CRYBG3: variants seen among roughly 807,000 people sequenced by gnomAD.
CRYBG3 encodes the protein crystallin beta-gamma domain containing 3.
CRYBG3 carries 127 observed loss-of-function variants against 244.2 expected under a neutral mutation model. That is an observed-to-expected ratio of 0.52 (90% confidence interval 0.45 to 0.60). The LOEUF (loss-of-function observed/expected upper bound fraction) is 0.60. Among genes scored for constraint, CRYBG3 ranks in the 20% least tolerant of loss-of-function variants. The probability of loss-of-function intolerance (pLI) is 0.00; values close to 1 mark genes in which losing one functional copy is unlikely to be tolerated. For synonymous variants in CRYBG3, 1,132 were observed against 1,195.8 expected, an observed-to-expected ratio of 0.95 and a Z score of 1.10; for missense variants, 3,325 against 3,442.5, an observed-to-expected ratio of 0.97 and a Z score of 0.85.
Position 97,895,951 on chromosome 3 carries a change from A to G in CRYBG3, c.7575-8A>G, listed in dbSNP as rs779351077. 1.9e-6 allele frequency: 3 copies of G among 1,610,608 alleles called. No individual in the cohort carries two copies. Among genetic ancestry groups the G allele is most frequent in the East Asian group, 4.5e-5 (2 of 44,834 alleles). On this transcript the variant is annotated splice_region_variant and splice_polypyrimidine_tract_variant and intron_variant, in intron 11 of 21. Transcript: ENST00000389622. ...AATGGGTCATTTGGGTGTCCCCTGTATTTCTAGGTGGGTTGCCTATGAAAA... is the reference window on the plus strand; with the variant it reads ...AATGGGTCATTTGGGTGTCCCCTGTGTTTCTAGGTGGGTTGCCTATGAAAA...
rs184198243 is a variant in CRYBG3, at chr3:97,914,599, A to G, written c.8115-1011A>G. Among the ~76,000 whole-genome samples the G allele has an allele frequency of 6.6e-5, 10 of 152,280 alleles. No homozygotes were observed. The East Asian group carries it at 1.9e-3, about 29-fold the overall frequency. ...TATATAACTTTAGGCAAAATGAGTC[A>G]TCGCTCTGAACCTCAGCTTCCTCAT... is the stretch of plus-strand genomic sequence containing the variant. On this transcript the variant is annotated intron_variant, in intron 16 of 21. Coordinates refer to ENST00000389622, the MANE Select transcript of CRYBG3 (RefSeq NM_153605.4).
Position 97,874,196 on chromosome 3 carries a change from G to A in CRYBG3, c.3002G>A (p.Gly1001Asp), listed in dbSNP as rs751843988. 32 of 1,531,488 alleles carry A rather than the reference G, an allele frequency of 2.1e-5. 1 individual carries two copies. In the Middle Eastern group the frequency reaches 5.0e-4, roughly 24 times the overall value. 94.9% of individuals were successfully genotyped at this position (1,531,488 alleles called of 1,614,324 possible). A position where few individuals can be genotyped will look rare whatever the true frequency, so the allele number is the denominator to read the frequency against. ...ATTTCCCCTAAATTCCAAGAAACTG[G>A]CAGCATGAAAGTAAATTCACCTTTT... ...TNISPKFQET[G>D]SMKVNSPFLD... The change falls in exon 4 of 22, where the codon GGC (glycine) becomes GAC (aspartate). Residue 1001 changes from glycine to aspartate, a missense_variant. Around this residue, in one of 4 missense-constraint regions of CRYBG3, gnomAD observed 1,526 missense variants for 1,443.2 expected, o/e 1.06. Coordinates refer to ENST00000389622, the MANE Select transcript of CRYBG3 (RefSeq NM_153605.4).
chr3:97,942,405 G>T lies in CRYBG3; in HGVS notation c.8786G>T (p.Ser2929Ile). Residue 2929 changes from serine (S) to isoleucine (I), a missense_variant, in exon 21 of 22, where the codon AGC becomes ATC. Around this residue, in one of 4 missense-constraint regions of CRYBG3, gnomAD observed 714 missense variants for 803.6 expected, o/e 0.89. Transcript: ENST00000389622. ...KWRLNKNGTI[S>I]SYLSDQLVLD... ...AGACTGAATAAAAATGGAACTATCA[G>T]CTCTTATCTCAGTGATCAACTTGTC... The T allele has an allele frequency of 1.9e-6, 3 of 1,611,606 alleles. No homozygotes were observed. Among genetic ancestry groups the T allele is most frequent in the Non-Finnish European group, 2.5e-6 (3 of 1,178,392 alleles).
At position 97,941,186 on chromosome 3, in the gene CRYBG3, T is replaced by C. The variant is rs1272088953; in HGVS notation, c.8544T>C (p.Gly2848=). The C allele has an allele frequency of 6.2e-7, 1 of 1,611,444 alleles. No individual in the cohort carries two copies. Among genetic ancestry groups the C allele is most frequent in the Non-Finnish European group, 8.5e-7 (1 of 1,178,402 alleles). The part of the protein sequence containing the change: ...VYIRIKNRAQ[G]EYLTVTGSLA... ...TCAGAATAAAGAACCGTGCCCAGGG[T>C]GAATATCTGACAGTCACTGGAAGTC... The change falls in exon 20 of 22, where the codon GGT becomes GGC. Residue 2848 remains glycine, a synonymous_variant. Coordinates refer to ENST00000389622, the MANE Select transcript of CRYBG3 (RefSeq NM_153605.4).
At chr3:97,835,176 C>T (rs923242088) in intron 1 of CRYBG3, among the ~76,000 whole-genome samples, 1 of 152,030 alleles carries the variant, frequency 6.6e-6, no homozygotes, top group Non-Finnish European at 1.5e-5. Flanking sequence ...ACAACTTAGT[C>T]GTGTCATCAC....
At chr3:97,924,652 C>G (rs772777474) in intron 17 of CRYBG3, among the ~76,000 whole-genome samples, 1 of 152,056 alleles carries the variant, frequency 6.6e-6, no homozygotes, top group South Asian at 2.1e-4. Flanking sequence ...TCATGACCTT[C>G]TTTCATCTTC....
intron 2 of CRYBG3, among the ~76,000 whole-genome samples, chr3:97,855,576 T>C (rs1559720177): frequency 1.3e-5 from 2 of 152,186 alleles, no homozygotes; most frequent in Non-Finnish European, 1.5e-5. Flanking sequence ...AGCTTGTATA[T>C]GTCCAGGTAT....
At chr3:97,912,506 C>G (rs1409203969) in intron 16 of CRYBG3, among the ~76,000 whole-genome samples, 1 of 152,122 alleles carries the variant, frequency 6.6e-6, no homozygotes, top group Admixed American at 6.5e-5. Context: ...TGATTTTTGT[C>G]TCTCACTGTG....
chr3:97,876,851 C>T lies in CRYBG3; in HGVS notation c.5657C>T (p.Ala1886Val), dbSNP rs1245621149. The change falls in exon 4 of 22, where the codon GCC becomes GTC. Residue 1886 changes from alanine (A) to valine (V), a missense_variant. Around this residue, in one of 4 missense-constraint regions of CRYBG3, gnomAD observed 635 missense variants for 771.7 expected, o/e 0.82. Coordinates refer to ENST00000389622, the MANE Select transcript of CRYBG3 (RefSeq NM_153605.4). ...GLELTTKQGE[A>V]MLPAFESKTP... ...GAATTGACCACTAAACAAGGGGAGG[C>T]CATGCTTCCTGCATTTGAAAGTAAA... The T allele has an allele frequency of 5.1e-6, 7 of 1,376,342 alleles. No individual in the cohort carries two copies. In the East Asian group the frequency reaches 1.1e-4, roughly 21 times the overall value. 85.3% of individuals were successfully genotyped at this position (1,376,342 alleles called of 1,614,324 possible).
At chr3:97,887,883 C>T (rs1044646364) in intron 8 of CRYBG3, among the ~76,000 whole-genome samples, 7 of 152,166 alleles carry the variant, frequency 4.6e-5, no homozygotes, top group African/African-American at 1.2e-4. Flanking sequence ...AATCCAATTG[C>T]AAATACTGTT....
rs2039317406 is a variant in CRYBG3, at chr3:97,872,521, G to T, written c.1327G>T (p.Asp443Tyr). 2 of 1,535,988 alleles carry T rather than the reference G, an allele frequency of 1.3e-6. No individual in the cohort carries two copies. The highest frequency in any genetic ancestry group is 1.7e-6 in the Non-Finnish European group (2 of 1,146,816). ...TTCTGATTTCTCTTGTAGTAAATCT[G>T]ATGGGAGTGACACTACTGAGCAGGA... ...AISDFSCSKS[D>Y]GSDTTEQEST... Residue 443 changes from aspartate to tyrosine, a missense_variant, in exon 4 of 22, where the codon GAT (aspartate) becomes TAT (tyrosine). By Grantham distance (160) the Asp-to-Tyr change is radical. Transcript: ENST00000389622.
chr3:97,873,649 G>C lies in CRYBG3; in HGVS notation c.2455G>C (p.Asp819His). 1 of 1,534,884 alleles carries C rather than the reference G, an allele frequency of 6.5e-7. No homozygotes were observed. Among genetic ancestry groups the C allele is most frequent in the Non-Finnish European group, 8.7e-7 (1 of 1,146,440 alleles). ...TANIVSKAEI[D>H]GQNNVLVESH... is the part of the protein sequence containing the mutation. ...TAACATTGTATCAAAAGCTGAAATT[G>C]ATGGTCAGAACAATGTTCTTGTGGA... Residue 819 changes from aspartate to histidine, a missense_variant, in exon 4 of 22, where the codon GAT becomes CAT. This residue lies in a region of CRYBG3 where 1,526 missense variants were observed against 1,443.2 expected (regional missense o/e 1.06). Transcript: ENST00000389622.
At chr3:97,931,896 T>C (rs1272039315) in intron 17 of CRYBG3, among the ~76,000 whole-genome samples, 2 of 152,058 alleles carry the variant, frequency 1.3e-5, no homozygotes, top group Non-Finnish European at 2.9e-5. Context: ...ATGCCGTTAC[T>C]TCCATTCTCT....
chr3:97,849,431 T>C (rs1247532580), intron 2 of CRYBG3, among the ~76,000 whole-genome samples: 3 of 151,558 alleles, frequency 2.0e-5, no homozygotes, highest in Non-Finnish European at 4.4e-5. Context: ...TGCCTCTTGA[T>C]TGCTTCTAAA....
intron 1 of CRYBG3, among the ~76,000 whole-genome samples, chr3:97,829,618 T>A (rs2038627210): frequency 6.6e-6 from 1 of 152,252 alleles, no homozygotes; most frequent in Non-Finnish European, 1.5e-5. Flanking sequence ...ATGAAAATGC[T>A]TTGGTTAATT....
In CRYBG3 at chr3:97,872,130, C is replaced by T; in HGVS notation, c.936C>T (p.Asn312=). 25 of 1,535,996 alleles carry T rather than the reference C, an allele frequency of 1.6e-5. No homozygotes were observed. The highest frequency in any genetic ancestry group is 2.2e-5 in the Non-Finnish European group (25 of 1,146,810). The change falls in exon 4 of 22, where the codon AAC becomes AAT. Residue 312 remains asparagine, a synonymous_variant. Coordinates refer to ENST00000389622, the MANE Select transcript of CRYBG3 (RefSeq NM_153605.4). The part of the protein sequence containing the change: ...EDSDCSKTSF[N]KENSLTNNPE... The stretch of plus-strand genomic sequence containing the variant: ...CTGATTGTAGCAAAACAAGTTTCAA[C>T]AAGGAAAATTCTTTGACAAATAACC...
intron 2 of CRYBG3, among the ~76,000 whole-genome samples, chr3:97,861,712 C>A (rs1008431331): frequency 8.5e-5 from 13 of 152,052 alleles, no homozygotes; most frequent in Non-Finnish European, 1.6e-4. Flanking sequence ...TTCATTGCTA[C>A]AATGGTAGAC....
intron 2 of CRYBG3, among the ~76,000 whole-genome samples, chr3:97,854,203 G>T (rs1222704731): frequency 6.6e-6 from 1 of 152,124 alleles, no homozygotes; most frequent in African/African-American, 2.4e-5. Context: ...CCAGTACCAT[G>T]CTGTTTTGTT....
At chr3:97,858,698 A>G (rs1396378387) in intron 2 of CRYBG3, among the ~76,000 whole-genome samples, 1 of 152,016 alleles carries the variant, frequency 6.6e-6, no homozygotes, top group Non-Finnish European at 1.5e-5. Context: ...TGACTTTATC[A>G]TTCATATCAT....
Sources: gnomAD v4.1 joint callset for allele counts (sites outside exome capture counted in the v4.1 genomes callset) on GRCh38, gnomAD v4.1.1 for gene constraint, gnomAD v4.1.1 regional missense constraint, MANE v1.5 for transcripts, NCBI Gene and HGNC (gene_info 2026-07-23, HGNC 2026-07-21) for gene names.